SALL4: variants seen among roughly 807,000 people sequenced by gnomAD.
SALL4 encodes the protein spalt like transcription factor 4.
Under a neutral mutation model 60.8 loss-of-function variants are expected in SALL4, and 4 were observed. That is an observed-to-expected ratio of 0.07 (90% CI 0.03 to 0.15). The LOEUF is 0.15. Among genes scored for constraint, SALL4 ranks in the 10% least tolerant of loss-of-function variants. The probability of loss-of-function intolerance (pLI) is 1.00; values close to 1 mark genes in which losing one functional copy is unlikely to be tolerated. For synonymous variants in SALL4, 580 were observed against 574.9 expected (o/e 1.01, Z -0.13); for missense variants, 1,178 against 1,394.7 (o/e 0.84, Z 2.48).
At chr20:51,786,644 CAAT>C (rs1272496358) in intron 3 of SALL4, among the ~76,000 whole-genome samples, 2 of 152,210 alleles carry the variant, frequency 1.3e-5, no homozygotes, top group Non-Finnish European at 2.9e-5. Flanking sequence ...TTGATTGTAA[CAAT>C]GTCAATATCT....
intron 1 of SALL4, among the ~76,000 whole-genome samples, chr20:51,796,789 C>CT (rs1380357466): frequency 6.6e-6 from 1 of 151,954 alleles, no homozygotes; most frequent in Non-Finnish European, 1.5e-5. Flanking sequence ...GTGGGAGAAA[C>CT]TTTTTTATTT....
rs575685606 is a variant in SALL4 at position 51,790,390 on chromosome 20, G to A, written c.2093C>T (p.Ser698Phe). ...IESIDVEEVS[S>F]QEAPSSSSKV... ...GGAGGAGCTGCTGGGAGCCTCCTGG[G>A]AGCTGACTTCCTCTACATCGATGCT... Residue 698 changes from serine (S) to phenylalanine (F), a missense_variant, in exon 2 of 4, where the codon TCC becomes TTC. Physicochemically the swap from Ser to Phe is radical, Grantham distance 155. Transcript: ENST00000217086. This position sits in a 1 kb window ranked among gnomAD's most constrained non-coding sequence, Gnocchi z 5.5. The A allele has an allele frequency of 3.7e-6, 6 of 1,613,940 alleles. No individual in the cohort carries two copies. The highest frequency in any genetic ancestry group is 2.7e-5 in the African/African-American group (2 of 74,886).
rs1413373122 is a variant in SALL4 at position 51,782,890 on chromosome 20, TAG to T, written c.*1373_*1374del. 2 of 151,674 alleles carry T rather than the reference TAG, an allele frequency of 1.3e-5. No individual in the cohort carries two copies. The highest frequency in any genetic ancestry group is 2.4e-5 in the African/African-American group (1 of 41,256). The allele number at this position is 151,674 out of a possible 1,614,324, so 9.4% of individuals were successfully genotyped here. A position where few individuals can be genotyped will look rare whatever the true frequency, so the allele number is the denominator to read the frequency against. ...CTTCAGCGGTCTTAAAATAGGAAAA[TAG>T]ACACTATGGCTACAAAAAATAAAAA... is the stretch of plus-strand genomic sequence containing the variant. On this transcript the variant is annotated 3_prime_UTR_variant, in exon 4 of 4. Coordinates refer to ENST00000217086, the MANE Select transcript of SALL4 (RefSeq NM_020436.5).
rs749112930 is a variant in SALL4, at chr20:51,791,486, C to T, written c.997G>A (p.Ala333Thr). The part of the protein sequence containing the change: ...LPNVMSRLPS[A>T]LLPQAPGSVL... Reference sequence around the variant, plus strand: ...GAGCCCGGGGCCTGAGGAAGCAAAGCGCTCGGGAGGCGGGACATGACGTTC... The same window carrying T: ...GAGCCCGGGGCCTGAGGAAGCAAAGTGCTCGGGAGGCGGGACATGACGTTC... The change falls in exon 2 of 4, where the codon GCT (alanine) becomes ACT (threonine). Residue 333 changes from alanine (A) to threonine (T), a missense_variant. By Grantham distance (58) the Ala-to-Thr change is moderately conservative (BLOSUM62 0). Coordinates refer to ENST00000217086, the MANE Select transcript of SALL4 (RefSeq NM_020436.5). The surrounding 1 kb of genome is among the most constrained non-coding windows in gnomAD (Gnocchi z 4.6). 13 of 1,614,068 alleles carry T rather than the reference C, an allele frequency of 8.1e-6. No individual in the cohort carries two copies. The highest frequency in any genetic ancestry group is 3.3e-5 in the Admixed American group (2 of 60,034).
chr20:51,795,645 G>C (rs2078074922), intron 1 of SALL4, among the ~76,000 whole-genome samples: 1 of 152,134 alleles, frequency 6.6e-6, no homozygotes, highest in Non-Finnish European at 1.5e-5. Context: ...CTCTTGTTAG[G>C]GAAGGAAATA....
Position 51,801,112 on chromosome 20 carries a change from A to G in SALL4, c.130+1167T>C, listed in dbSNP as rs1470115237. On this transcript the variant is annotated intron_variant, in intron 1 of 3. Coordinates refer to ENST00000217086, the MANE Select transcript of SALL4 (RefSeq NM_020436.5). This position sits in a 1 kb window ranked among gnomAD's most constrained non-coding sequence, Gnocchi z 5.2. Reference sequence around the variant, plus strand: ...GACGAACAAGGCCGGAGAGGAGGCTACAAATCCCCCCTCCCCCCACGCGCA... The same window carrying G: ...GACGAACAAGGCCGGAGAGGAGGCTGCAAATCCCCCCTCCCCCCACGCGCA... 6.6e-6 allele frequency among the ~76,000 whole-genome samples: 1 copy of G among 152,080 alleles called. No homozygotes were observed. Among genetic ancestry groups the G allele is most frequent in the Non-Finnish European group, 1.5e-5 (1 of 68,012 alleles).
chr20:51,791,774 T>A lies in SALL4; in HGVS notation c.709A>T (p.Ile237Phe). Residue 237 changes from isoleucine to phenylalanine, a missense_variant, in exon 2 of 4, where the codon ATC becomes TTC. By Grantham distance (21) the Ile-to-Phe change is conservative. Transcript: ENST00000217086. This position sits in a 1 kb window ranked among gnomAD's most constrained non-coding sequence, Gnocchi z 4.6. Reference sequence around the variant, plus strand: ...TGGGAGGCCCACATGTTCACCTGGATGCGGATCTGCTCGGTGAGCTGGATC... The same window carrying A: ...TGGGAGGCCCACATGTTCACCTGGAAGCGGATCTGCTCGGTGAGCTGGATC... Reference protein sequence around the residue: ...QQIQLTEQIRIQVNMWASHAL... With the variant: ...QQIQLTEQIRFQVNMWASHAL... The A allele has an allele frequency of 6.2e-7, 1 of 1,614,096 alleles. No individual in the cohort carries two copies. The highest frequency in any genetic ancestry group is 8.5e-7 in the Non-Finnish European group (1 of 1,180,046).
chr20:51,794,458 G>A (rs964668006), intron 1 of SALL4, among the ~76,000 whole-genome samples: 3 of 152,140 alleles, frequency 2.0e-5, no homozygotes, highest in Non-Finnish European at 2.9e-5. Flanking sequence ...GGCTGAGGCA[G>A]GAGAATCACT....
Position 51,801,573 on chromosome 20 carries a change from T to G in SALL4, c.130+706A>C, listed in dbSNP as rs1404278360. 1 of 152,374 alleles carries G rather than the reference T, an allele frequency of 6.6e-6. No homozygotes were observed. Among genetic ancestry groups the G allele is most frequent in the East Asian group, 1.9e-4 (1 of 5,164 alleles). The allele number at this position is 152,374 out of a possible 1,614,324, so 9.4% of individuals were successfully genotyped here. A position where few individuals can be genotyped will look rare whatever the true frequency, so the allele number is the denominator to read the frequency against. On this transcript the variant is annotated intron_variant, in intron 1 of 3. Coordinates refer to ENST00000217086, the MANE Select transcript of SALL4 (RefSeq NM_020436.5). The surrounding 1 kb of genome is among the most constrained non-coding windows in gnomAD (Gnocchi z 5.2). ...AGGCCCCGAAAGGTTAGGGCGAAGA[T>G]CGGCAGGCGGCGCAGCCCGGGCAGA... is the stretch of plus-strand genomic sequence containing the variant.
intron 1 of SALL4, among the ~76,000 whole-genome samples, chr20:51,798,870 CAAAACAAA>C (rs1568869561): frequency 2.8e-5 from 4 of 145,010 alleles, no homozygotes. Context: ...CAAAACAAAA[CAAAACAAA>C]AAAAACAGTT....
At chr20:51,794,622 C>T (rs2078069320) in intron 1 of SALL4, among the ~76,000 whole-genome samples, 1 of 152,110 alleles carries the variant, frequency 6.6e-6, no homozygotes, top group African/African-American at 2.4e-5. Context: ...TAATGTCACT[C>T]GTGCAACATA....
rs141546409 is a variant in SALL4 at position 51,791,721 on chromosome 20, G to A, written c.762C>T (p.Ala254=). 1.7e-4 allele frequency: 271 copies of A among 1,614,142 alleles called. 1 individual carries two copies. The African/African-American group carries it at 2.5e-3, about 15-fold the overall frequency. The change falls in exon 2 of 4, where the codon GCC becomes GCT. Residue 254 remains alanine, a synonymous_variant. Transcript: ENST00000217086. This position sits in a 1 kb window ranked among gnomAD's most constrained non-coding sequence, Gnocchi z 4.6. ...GGCTGCCCAAGGTCTTCAGAGTGTC[G>A]GCCCCTGCCCCGCTTGAGTGGAGGG... is the stretch of plus-strand genomic sequence containing the variant. ...SHALHSSGAG[A]DTLKTLGSHM... is the part of the protein sequence containing the mutation.
intron 1 of SALL4, chr20:51,792,667 C>T (rs1041645142): frequency 9.0e-5 from 52 of 580,110 alleles, no homozygotes; most frequent in African/African-American, 6.5e-4. Context: ...CCAGCCTGAG[C>T]GACAGAGCGA....
Position 51,791,321 on chromosome 20 carries a change from T to A in SALL4, c.1162A>T (p.Ser388Cys). ...GAGCTATCAGTCCCAAAAACCTTGC[T>A]ACAGTACTTACACTTGTGCTTGTAG... ...ALYKHKCKYC[S>C]KVFGTDSSLQ... Residue 388 changes from serine (S) to cysteine (C), a missense_variant, in exon 2 of 4, where the codon AGC (serine) becomes TGC (cysteine). Physicochemically the swap from Ser to Cys is moderately radical, Grantham distance 112. This residue lies in a region of SALL4 where 853 missense variants were observed against 1,036.8 expected (regional missense o/e 0.82). Coordinates refer to ENST00000217086, the MANE Select transcript of SALL4 (RefSeq NM_020436.5). This position sits in a 1 kb window ranked among gnomAD's most constrained non-coding sequence, Gnocchi z 4.6. The A allele has an allele frequency of 6.2e-7, 1 of 1,614,174 alleles. No homozygotes were observed. Among genetic ancestry groups the A allele is most frequent in the African/African-American group, 1.3e-5 (1 of 75,058 alleles).
chr20:51,784,287 T>C lies in SALL4; in HGVS notation c.3140A>G (p.Glu1047Gly). ...PKHQFPHFLE[E>G]NKIAVS ...CCCTTAGCTGACCGCAATCTTGTTT[T>C]CTTCCAGGAAGTGAGGAAACTGGTG... The change falls in exon 4 of 4, where the codon GAA becomes GGA. Residue 1047 changes from glutamate to glycine, a missense_variant. Glu to Gly is a moderately conservative substitution (Grantham distance 98, BLOSUM62 -2). Around this residue, in one of 5 missense-constraint regions of SALL4, gnomAD observed 174 missense variants for 169.6 expected, o/e 1.03. Coordinates refer to ENST00000217086, the MANE Select transcript of SALL4 (RefSeq NM_020436.5). 3.7e-6 allele frequency: 6 copies of C among 1,614,156 alleles called. No homozygotes were observed. The highest frequency in any genetic ancestry group is 8.5e-7 in the Non-Finnish European group (1 of 1,180,038).
At chr20:51,797,994 T>TA (rs2078088780) in intron 1 of SALL4, among the ~76,000 whole-genome samples, 1 of 152,160 alleles carries the variant, frequency 6.6e-6, no homozygotes, top group Non-Finnish European at 1.5e-5. Flanking sequence ...GTAGATTATC[T>TA]AAAGCACACA....
Position 51,791,775 on chromosome 20 carries a change from G to A in SALL4, c.708C>T (p.Arg236=). The A allele has an allele frequency of 6.2e-7, 1 of 1,614,092 alleles. No homozygotes were observed. Among genetic ancestry groups the A allele is most frequent in the Non-Finnish European group, 8.5e-7 (1 of 1,180,046 alleles). The change falls in exon 2 of 4, where the codon CGC becomes CGT. Residue 236 remains arginine (R), a synonymous_variant. Transcript: ENST00000217086. This position sits in a 1 kb window ranked among gnomAD's most constrained non-coding sequence, Gnocchi z 4.6. ...LQQIQLTEQI[R]IQVNMWASHA... The stretch of plus-strand genomic sequence containing the variant: ...GGGAGGCCCACATGTTCACCTGGAT[G>A]CGGATCTGCTCGGTGAGCTGGATCT...
rs779868337 is a variant in SALL4 at position 51,788,794 on chromosome 20, G to A, written c.2742+67C>T. ...ATGGAAGGATGGAAGAACTCATCACGGCTTGTGCCAATAAGAAGACACCTG... is the reference window on the plus strand; with the variant it reads ...ATGGAAGGATGGAAGAACTCATCACAGCTTGTGCCAATAAGAAGACACCTG... On this transcript the variant is annotated intron_variant, in intron 3 of 3. Transcript: ENST00000217086. This position sits in a 1 kb window ranked among gnomAD's most constrained non-coding sequence, Gnocchi z 4.1. 2.1e-5 allele frequency: 34 copies of A among 1,593,422 alleles called. No homozygotes were observed. Among genetic ancestry groups the A allele is most frequent in the African/African-American group, 2.7e-5 (2 of 74,732 alleles).
rs2078005897 is a variant in SALL4, at chr20:51,788,179, A to T, written c.2742+682T>A. ...AAACATTTTAATTTTTTTAAGAGAC[A>T]AGGTCTCACTTTGTTTTCTAAGCTG... On this transcript the variant is annotated intron_variant, in intron 3 of 3. Coordinates refer to ENST00000217086, the MANE Select transcript of SALL4 (RefSeq NM_020436.5). This position sits in a 1 kb window ranked among gnomAD's most constrained non-coding sequence, Gnocchi z 4.1. 6.6e-6 allele frequency among the ~76,000 whole-genome samples: 1 copy of T among 151,778 alleles called. No individual in the cohort carries two copies. The highest frequency in any genetic ancestry group is 2.4e-5 in the African/African-American group (1 of 41,244).
Sources: allele counts gnomAD v4.1 joint callset (sites outside exome capture counted in the v4.1 genomes callset), GRCh38; gene constraint gnomAD v4.1.1; regional missense constraint gnomAD v4.1.1; non-coding constraint Gnocchi (gnomAD v3.1); transcripts MANE v1.5; gene names NCBI Gene and HGNC (gene_info 2026-07-23, HGNC 2026-07-21).